The following CUL9 variants were observed in gnomAD, a reference collection of about 807,000 sequenced individuals.
CUL9 encodes the protein cullin-9.
CUL9 carries 79 observed loss-of-function variants against 272.6 expected under a neutral mutation model. The ratio of observed to expected loss-of-function variants is 0.29; its 90% CI spans 0.24 to 0.35. The LOEUF (loss-of-function observed/expected upper bound fraction) is 0.35. CUL9 is among the 10% of genes least tolerant of loss of function. The pLI is 1.00. For missense variants in CUL9, 2,532 were observed against 3,255.6 expected, an observed-to-expected ratio of 0.78 and a Z score of 5.41; for synonymous variants, 1,186 against 1,286.5, an observed-to-expected ratio of 0.92 and a Z score of 1.67.
intron 37 of CUL9, 46 bp downstream of exon 37, chr6:43,222,687 G>A: frequency 6.2e-7 from 1 of 1,604,854 alleles, no homozygotes; most frequent in East Asian, 2.2e-5. Context: ...TGTGCCAAAT[G>A]GGTCTGGGGG....
In CUL9 at chr6:43,218,186, A is replaced by G. The variant is rs1164150485; in HGVS notation, c.6282+1683A>G. ...TGATATTATCTGGTTTACATTTTTT[A>G]TTTTTATTATATTATTTATTTATTT... On this transcript the variant is annotated intron_variant, in intron 31 of 40. Coordinates refer to ENST00000252050, the MANE Select transcript of CUL9 (RefSeq NM_015089.4). The surrounding 1 kb of genome is among the most constrained non-coding windows in gnomAD (Gnocchi z 4.4). 1.3e-5 allele frequency among the ~76,000 whole-genome samples: 2 copies of G among 151,484 alleles called. No homozygotes were observed. Among genetic ancestry groups the G allele is most frequent in the East Asian group, 1.9e-4 (1 of 5,162 alleles).
rs1774397678 is a variant in CUL9, at chr6:43,200,245, T to C, written c.3384+89T>C. On this transcript the variant is annotated intron_variant, in intron 14 of 40. Transcript: ENST00000252050. This position sits in a 1 kb window ranked among gnomAD's most constrained non-coding sequence, Gnocchi z 4.0. The stretch of plus-strand genomic sequence containing the variant: ...ACTGTGTTCCTCTTTGGTATCCCTG[T>C]TTGGCACAGGTTGTAGCAAATCTGG... 7 of 1,464,094 alleles carry C rather than the reference T, an allele frequency of 4.8e-6. No individual in the cohort carries two copies. Among genetic ancestry groups the C allele is most frequent in the Non-Finnish European group, 6.6e-6 (7 of 1,064,790 alleles). 90.7% of individuals were successfully genotyped at this position (1,464,094 alleles called of 1,614,324 possible).
intron 2 of CUL9, 120 bp from the exon 3 acceptor site, chr6:43,185,334 TTC>T: frequency 1.1e-6 from 1 of 951,138 alleles, no homozygotes; most frequent in Admixed American, 2.5e-5. Flanking sequence ...TAAAATGTAT[TTC>T]TTTCTGTGAG....
intron 4 of CUL9, 117 bp downstream of exon 4, chr6:43,186,572 G>C (rs1300370307): frequency 1.4e-6 from 2 of 1,400,702 alleles, no homozygotes; most frequent in Non-Finnish European, 1.9e-6. Context: ...TGGGGAATTG[G>C]AATGATACAA....
chr6:43,196,319 A>G, intron 10 of CUL9, 54 bp downstream of exon 10: 1 of 1,513,462 alleles, frequency 6.6e-7, no homozygotes. Flanking sequence ...AAACCCTGCT[A>G]CTCCTGTGCT....
At position 43,200,244 on chromosome 6, in the gene CUL9, G is replaced by T. The variant is rs1426294529; in HGVS notation, c.3384+88G>T. 8.2e-6 allele frequency: 12 copies of T among 1,463,670 alleles called. No homozygotes were observed. In the Admixed American group the frequency reaches 1.7e-4, roughly 21 times the overall value. The allele number at this position is 1,463,670 out of a possible 1,614,324, so 90.7% of individuals were successfully genotyped here. ...CACTGTGTTCCTCTTTGGTATCCCT[G>T]TTTGGCACAGGTTGTAGCAAATCTG... On this transcript the variant is annotated intron_variant, in intron 14 of 40. Transcript: ENST00000252050. This position sits in a 1 kb window ranked among gnomAD's most constrained non-coding sequence, Gnocchi z 4.0.
Position 43,213,589 on chromosome 6 carries a change from T to C in CUL9, c.5488+22T>C. On this transcript the variant is annotated intron_variant, in intron 28 of 40. Transcript: ENST00000252050. The surrounding 1 kb of genome is among the most constrained non-coding windows in gnomAD (Gnocchi z 5.7). ...GGGGGTAGGTCATTGGGGGCCGGGC[T>C]GAGCCTCTGCTGCTGGTCGGGGGGT... The C allele has an allele frequency of 1.2e-6, 2 of 1,607,610 alleles. No homozygotes were observed. The highest frequency in any genetic ancestry group is 2.2e-5 in the East Asian group (1 of 44,606).
At chr6:43,205,915 G>A in intron 24 of CUL9, 92 bp from the exon 25 acceptor site, 1 of 1,092,766 alleles carries the variant, frequency 9.2e-7, no homozygotes, top group Non-Finnish European at 1.4e-6. Flanking sequence ...TGTGACTCAG[G>A]CAGAGGGACA....
At chr6:43,222,289 A>G in intron 35 of CUL9, 27 bp from the exon 36 acceptor site, 8 of 1,606,642 alleles carry the variant, frequency 5.0e-6, no homozygotes, top group Non-Finnish European at 6.8e-6. Flanking sequence ...AAAACACCCA[A>G]TAGCCCTCCC....
intron 26 of CUL9, among the ~76,000 whole-genome samples, chr6:43,212,057 C>A (rs1188895709): frequency 6.6e-6 from 1 of 152,246 alleles, no homozygotes. Flanking sequence ...TATTCATTCA[C>A]AGGCTGGATT....
intron 31 of CUL9, among the ~76,000 whole-genome samples, chr6:43,216,816 A>G (rs1775980830): frequency 6.6e-6 from 1 of 152,194 alleles, no homozygotes; most frequent in African/African-American, 2.4e-5. Flanking sequence ...TTAAACCAGA[A>G]TCTCTGGAGG....
intron 8 of CUL9, among the ~76,000 whole-genome samples, chr6:43,190,162 T>C (rs1368987082): frequency 1.3e-5 from 2 of 152,250 alleles, no homozygotes; most frequent in African/African-American, 4.8e-5. Context: ...GCGTCTGTTT[T>C]TCCTTACGTC....
chr6:43,190,507 TAAA>T (rs1246202164), intron 8 of CUL9, among the ~76,000 whole-genome samples: 4 of 152,074 alleles, frequency 2.6e-5, no homozygotes, highest in Admixed American at 2.6e-4. Flanking sequence ...ATTATTAAAA[TAAA>T]AATTATCTGA....
At position 43,199,258 on chromosome 6, in the gene CUL9, C is replaced by A. The variant is rs115509421; in HGVS notation, c.3051-8C>A. On this transcript the variant is annotated splice_polypyrimidine_tract_variant and splice_region_variant and intron_variant, in intron 12 of 40. Transcript: ENST00000252050. This position sits in a 1 kb window ranked among gnomAD's most constrained non-coding sequence, Gnocchi z 4.4. ...GCCTGACTTCACTCGTTTCTACCCCCTCACCAGGGTCATAACCCGACTGCT... is the reference window on the plus strand; with the variant it reads ...GCCTGACTTCACTCGTTTCTACCCCATCACCAGGGTCATAACCCGACTGCT... The A allele has an allele frequency of 4.3e-6, 7 of 1,610,436 alleles. No homozygotes were observed. The highest frequency in any genetic ancestry group is 1.7e-5 in the Admixed American group (1 of 59,966).
Position 43,184,752 on chromosome 6 carries a change from G to A in CUL9, c.442G>A (p.Val148Met), listed in dbSNP as rs1384090763. 2 of 1,614,218 alleles carry A rather than the reference G, an allele frequency of 1.2e-6. No individual in the cohort carries two copies. Among genetic ancestry groups the A allele is most frequent in the South Asian group, 2.2e-5 (2 of 91,090 alleles). The change falls in exon 2 of 41, where the codon GTG becomes ATG. Residue 148 changes from valine (V) to methionine (M), a missense_variant. By Grantham distance (21) the Val-to-Met change is conservative. This residue lies in a region of CUL9 where 2,218 missense variants were observed against 2,788.6 expected (regional missense o/e 0.80). Coordinates refer to ENST00000252050, the MANE Select transcript of CUL9 (RefSeq NM_015089.4). The surrounding 1 kb of genome is among the most constrained non-coding windows in gnomAD (Gnocchi z 4.8). ...GGCCGCTGTGCTTCACACCATCCAC[G>A]TGCTCAGTGCCTACGCCAGCATCGG... ...LTAAVLHTIHVLSAYASIGPL... is the reference protein window; with the variant it reads ...LTAAVLHTIHMLSAYASIGPL...
At position 43,199,983 on chromosome 6, in the gene CUL9, T is replaced by A; in HGVS notation, c.3211T>A (p.Tyr1071Asn). 6.2e-7 allele frequency: 1 copy of A among 1,614,218 alleles called. No individual in the cohort carries two copies. Among genetic ancestry groups the A allele is most frequent in the Non-Finnish European group, 8.5e-7 (1 of 1,180,032 alleles). ...LHRLASMHKD[Y>N]AVVLCCLGAK... is the part of the protein sequence containing the mutation. ...TCGCCTGGCCTCGATGCATAAGGACTATGCTGTGGTGCTCTGCTGCCTGGG... is the reference window on the plus strand; with the variant it reads ...TCGCCTGGCCTCGATGCATAAGGACAATGCTGTGGTGCTCTGCTGCCTGGG... The change falls in exon 14 of 41, where the codon TAT (tyrosine) becomes AAT (asparagine). Residue 1071 changes from tyrosine (Y) to asparagine (N), a missense_variant. Physicochemically the swap from Tyr to Asn is moderately radical, Grantham distance 143. This residue lies in a region of CUL9 where 2,218 missense variants were observed against 2,788.6 expected (regional missense o/e 0.80). Coordinates refer to ENST00000252050, the MANE Select transcript of CUL9 (RefSeq NM_015089.4). This position sits in a 1 kb window ranked among gnomAD's most constrained non-coding sequence, Gnocchi z 4.4.
rs775773757 is a variant in CUL9, at chr6:43,213,587, G to A, written c.5488+20G>A. 3.0e-5 allele frequency: 48 copies of A among 1,611,638 alleles called. 3 individuals carry two copies. The Middle Eastern group carries it at 5.5e-3, about 186-fold the overall frequency. ...ACGGGGGTAGGTCATTGGGGGCCGGGCTGAGCCTCTGCTGCTGGTCGGGGG... is the reference window on the plus strand; with the variant it reads ...ACGGGGGTAGGTCATTGGGGGCCGGACTGAGCCTCTGCTGCTGGTCGGGGG... On this transcript the variant is annotated intron_variant, in intron 28 of 40. Coordinates refer to ENST00000252050, the MANE Select transcript of CUL9 (RefSeq NM_015089.4). This position sits in a 1 kb window ranked among gnomAD's most constrained non-coding sequence, Gnocchi z 5.7.
intron 26 of CUL9, among the ~76,000 whole-genome samples, chr6:43,211,120 A>G (rs1015625759): frequency 2.0e-5 from 3 of 152,160 alleles, no homozygotes; most frequent in Non-Finnish European, 4.4e-5. Flanking sequence ...GTTGTTCCAT[A>G]TTTTAGAATT....
At chr6:43,214,742 A>G (rs1029153719) in intron 29 of CUL9, among the ~76,000 whole-genome samples, 2 of 151,930 alleles carry the variant, frequency 1.3e-5, no homozygotes, top group Non-Finnish European at 2.9e-5. Context: ...CAGAGATTGC[A>G]GTGAGAGATG....
Sources: allele counts gnomAD v4.1 joint callset (sites outside exome capture counted in the v4.1 genomes callset), GRCh38; gene constraint gnomAD v4.1.1; regional missense constraint gnomAD v4.1.1; non-coding constraint Gnocchi (gnomAD v3.1); transcripts MANE v1.5; gene names NCBI Gene and HGNC (gene_info 2026-07-23, HGNC 2026-07-21).